Variants in PRR13 observed in about 807,000 individuals in gnomAD.
PRR13 encodes the protein proline rich 13.
Under a neutral mutation model 11.5 loss-of-function variants are expected in PRR13, and 7 were observed. The observed-to-expected ratio is 0.61, with a 90% CI of 0.34 to 1.14. PRR13 has a LOEUF of 1.14. PRR13 is among the 50% of genes most tolerant of loss of function. PRR13 has a pLI of 0.03. For synonymous variants in PRR13, 53 were observed against 67.8 expected, an observed-to-expected ratio of 0.78 and a Z score of 1.07; for missense variants, 155 against 194.4, an observed-to-expected ratio of 0.80 and a Z score of 1.21.
At chr12:53,442,573 T>C (rs1307434245) in intron 1 of PRR13, 122 bp from the exon 2 acceptor site, 8 of 808,758 alleles carry the variant, frequency 9.9e-6, no homozygotes, top group Non-Finnish European at 1.5e-5. Flanking sequence ...GTGGAAGTTG[T>C]GGTAGTTCTC....
intron 2 of PRR13, 35 bp downstream of exon 2, chr12:53,442,768 CT>C: frequency 6.3e-7 from 1 of 1,591,078 alleles, no homozygotes; most frequent in Non-Finnish European, 8.6e-7. Flanking sequence ...ACCCCTAACC[CT>C]TTTTCTGATG....
chr12:53,442,728 A>C lies in PRR13; in HGVS notation c.14A>C (p.Asn5Thr). 6.2e-7 allele frequency: 1 copy of C among 1,611,046 alleles called. No homozygotes were observed. Among genetic ancestry groups the C allele is most frequent in the Non-Finnish European group, 8.5e-7 (1 of 1,177,288 alleles). The change falls in exon 2 of 4, where the codon AAT becomes ACT. Residue 5 changes from asparagine to threonine, a missense_variant. Asn to Thr is a moderately conservative substitution (Grantham distance 65, BLOSUM62 0). Coordinates refer to ENST00000429243, the MANE Select transcript of PRR13 (RefSeq NM_018457.4). MWNP[N>T]AGQPGPNPYP... ...ACACACCTAAACATGTGGAATCCCA[A>C]TGCCGGTAGGTGTTTGGGGGTTCTG...
Position 53,442,669 on chromosome 12 carries a change from T to A in PRR13, c.-20-26T>A, listed in dbSNP as rs1253587186. On this transcript the variant is annotated intron_variant, in intron 1 of 3. Coordinates refer to ENST00000429243, the MANE Select transcript of PRR13 (RefSeq NM_018457.4). ...ACTTCCTACCTCTAGACCGTCATCT[T>A]TTTTGCCTCATTTCTTTCTCCTCAG... The A allele has an allele frequency of 1.9e-6, 3 of 1,580,634 alleles. No individual in the cohort carries two copies. The African/African-American group carries it at 4.0e-5, about 21-fold the overall frequency.
At chr12:53,443,221 C>T in intron 2 of PRR13, 170 bp from the exon 3 acceptor site, 1 of 638,450 alleles carries the variant, frequency 1.6e-6, no homozygotes, top group Non-Finnish European at 2.5e-6. Context: ...CTTCCAGGGA[C>T]ATTCCCCCTT....
At chr12:53,442,493 T>G (rs1395307718) in intron 1 of PRR13, 1 of 481,202 alleles carries the variant, frequency 2.1e-6, no homozygotes, top group Non-Finnish European at 3.8e-6. Flanking sequence ...TCCACCCGCC[T>G]CGGCCTCCCA....
chr12:53,446,289 C>T lies in PRR13; in HGVS notation c.*230C>T, dbSNP rs557613481. ...TAGATCATATAGCTAATGAATTAGG[C>T]AGGGGAGCTATTTTTTGAAGATGAT... On this transcript the variant is annotated 3_prime_UTR_variant, in exon 4 of 4. Transcript: ENST00000429243. 3 of 530,958 alleles carry T rather than the reference C, an allele frequency of 5.7e-6. No individual in the cohort carries two copies. The highest frequency in any genetic ancestry group is 3.9e-5 in the African/African-American group (2 of 51,406). The allele number at this position is 530,958 out of a possible 1,614,324, so 32.9% of individuals were successfully genotyped here.
At chr12:53,443,255 C>T (rs1035236564) in intron 2 of PRR13, 136 bp from the exon 3 acceptor site, 77 of 981,060 alleles carry the variant, frequency 7.8e-5, no homozygotes, top group Non-Finnish European at 9.9e-5. Flanking sequence ...AAGTTTGTCT[C>T]CCCTACCCTC....
rs1416294603 is a variant in PRR13 at position 53,443,445 on chromosome 12, A to G, written c.74A>G (p.Asn25Ser). The G allele has an allele frequency of 2.4e-5, 35 of 1,441,798 alleles. No individual in the cohort carries two copies. Among genetic ancestry groups the G allele is most frequent in the East Asian group, 1.3e-4 (5 of 39,840 alleles). 89.3% of individuals were successfully genotyped at this position (1,441,798 alleles called of 1,614,324 possible). A position where few individuals can be genotyped will look rare whatever the true frequency, so the allele number is the denominator to read the frequency against. The change falls in exon 3 of 4, where the codon AAT becomes AGT. Residue 25 changes from asparagine (N) to serine (S), a missense_variant. Coordinates refer to ENST00000429243, the MANE Select transcript of PRR13 (RefSeq NM_018457.4). ...AATATTGGGTGCCCTGGAGGTTCCA[A>G]TCCTGCCCACCCACCACCTATTAAT... ...PPNIGCPGGSNPAHPPPINPP... is the reference protein window; with the variant it reads ...PPNIGCPGGSSPAHPPPINPP...
intron 2 of PRR13, chr12:53,442,976 C>T: frequency 2.4e-6 from 1 of 425,446 alleles, no homozygotes; most frequent in Non-Finnish European, 4.1e-6. Context: ...CCTGTTTCAG[C>T]CTCTGGAGTA....
chr12:53,443,463 C>G lies in PRR13; in HGVS notation c.92C>G (p.Pro31Arg). Residue 31 changes from proline (P) to arginine (R), a missense_variant, in exon 3 of 4, where the codon CCT (proline) becomes CGT (arginine). Physicochemically the swap from Pro to Arg is moderately radical, Grantham distance 103. Coordinates refer to ENST00000429243, the MANE Select transcript of PRR13 (RefSeq NM_018457.4). Reference protein sequence around the residue: ...PGGSNPAHPPPINPPFPPGPC... With the variant: ...PGGSNPAHPPRINPPFPPGPC... Reference sequence around the variant, plus strand: ...GGTTCCAATCCTGCCCACCCACCACCTATTAATCCACCCTTTCCCCCAGGC... The same window carrying G: ...GGTTCCAATCCTGCCCACCCACCACGTATTAATCCACCCTTTCCCCCAGGC... The G allele has an allele frequency of 3.5e-6, 5 of 1,448,192 alleles. No individual in the cohort carries two copies. Among genetic ancestry groups the G allele is most frequent in the Non-Finnish European group, 4.6e-6 (5 of 1,096,752 alleles). The allele number at this position is 1,448,192 out of a possible 1,614,324, so 89.7% of individuals were successfully genotyped here.
In PRR13 at chr12:53,442,560, T is replaced by C. The variant is rs939006289; in HGVS notation, c.-20-135T>C. On this transcript the variant is annotated intron_variant, in intron 1 of 3. Transcript: ENST00000429243. ...GCCCAGCCAGAAAAGAGACATTTCT[T>C]ATGTGGAAGTTGTGGTAGTTCTCCA... The C allele has an allele frequency of 1.8e-4, 136 of 738,760 alleles. 1 individual carries two copies. Among genetic ancestry groups the C allele is most frequent in the Admixed American group, 2.6e-4 (11 of 42,488 alleles). The allele number at this position is 738,760 out of a possible 1,614,324, so 45.8% of individuals were successfully genotyped here. A position where few individuals can be genotyped will look rare whatever the true frequency, so the allele number is the denominator to read the frequency against.
In PRR13 at chr12:53,442,686, TCTC is replaced by T. The variant is rs757312957; in HGVS notation, c.-20-5_-20-3del. On this transcript the variant is annotated splice_polypyrimidine_tract_variant and splice_region_variant and intron_variant, in intron 1 of 3. Transcript: ENST00000429243. ...CGTCATCTTTTTTGCCTCATTTCTT[TCTC>T]CTCAGGCTGGAGGACACACCTAAAC... 2.5e-5 allele frequency: 40 copies of T among 1,604,620 alleles called. 1 individual carries two copies. Among genetic ancestry groups the T allele is most frequent in the African/African-American group, 2.3e-4 (17 of 74,646 alleles).
chr12:53,446,092 C>T lies in PRR13; in HGVS notation c.*33C>T, dbSNP rs755842539. The T allele has an allele frequency of 1.2e-6, 2 of 1,611,720 alleles. No individual in the cohort carries two copies. Among genetic ancestry groups the T allele is most frequent in the African/African-American group, 1.3e-5 (1 of 74,960 alleles). On this transcript the variant is annotated 3_prime_UTR_variant, in exon 4 of 4. Coordinates refer to ENST00000429243, the MANE Select transcript of PRR13 (RefSeq NM_018457.4). ...CCCTGGACCCTTCCCTCAAGTCTCA[C>T]CAGTTCTGCTCTCCCATCAAGCTTC...
intron 1 of PRR13, 126 bp downstream of exon 1, chr12:53,441,918 A>C: frequency 2.9e-6 from 2 of 678,808 alleles, no homozygotes; most frequent in Non-Finnish European, 5.3e-6. Context: ...GGCTGTGTCC[A>C]CATATTTAAG....
Position 53,441,778 on chromosome 12 carries a change from G to A in PRR13, c.-35G>A, listed in dbSNP as rs1168814923. ...TGCGAAGGAGAACGCAGCAAGCCCA[G>A]GCGGCGGTGGAAAGGTGATGGGGTA... On this transcript the variant is annotated 5_prime_UTR_variant, in exon 1 of 4. Transcript: ENST00000429243. The A allele has an allele frequency of 2.8e-6, 2 of 702,326 alleles. No individual in the cohort carries two copies. Among genetic ancestry groups the A allele is most frequent in the East Asian group, 2.7e-5 (1 of 37,300 alleles). The allele number at this position is 702,326 out of a possible 1,614,324, so 43.5% of individuals were successfully genotyped here.
chr12:53,444,140 A>ACAAAGCAAG, intron 3 of PRR13: 1 of 380,570 alleles, frequency 2.6e-6, no homozygotes, highest in Non-Finnish European at 4.7e-6. Flanking sequence ...CATTCCTTTG[A>ACAAAGCAAG]CAAAGCAAGG....
At chr12:53,441,815 T>C (rs1297178503) in intron 1 of PRR13, 23 bp downstream of exon 1, 4 of 702,198 alleles carry the variant, frequency 5.7e-6, no homozygotes, top group Non-Finnish European at 1.0e-5. Context: ...CTGGATTCCA[T>C]AGGTTTTTCC....
In PRR13 at chr12:53,443,394, A is replaced by G; in HGVS notation, c.23A>G (p.Gln8Arg). The G allele has an allele frequency of 7.1e-7, 1 of 1,400,054 alleles. No individual in the cohort carries two copies. 86.7% of individuals were successfully genotyped at this position (1,400,054 alleles called of 1,614,324 possible). MWNPNAG[Q>R]PGPNPYPPNI... ...TATTCTCTGCTTCTTCCACCAGGGC[A>G]GCCAGGGCCAAATCCATATCCCCCC... is the stretch of plus-strand genomic sequence containing the variant. The change falls in exon 3 of 4, where the codon CAG (glutamine) becomes CGG (arginine). Residue 8 changes from glutamine (Q) to arginine (R), a missense_variant. Gln to Arg is a conservative substitution (Grantham distance 43). Transcript: ENST00000429243.
Position 53,442,629 on chromosome 12 carries a change from T to C in PRR13, c.-20-66T>C, listed in dbSNP as rs1253291780. The C allele has an allele frequency of 9.2e-6, 13 of 1,408,796 alleles. No homozygotes were observed. The East Asian group carries it at 1.8e-4, about 20-fold the overall frequency. 87.3% of individuals were successfully genotyped at this position (1,408,796 alleles called of 1,614,324 possible). ...GGGGTGGAAGACGTTAGGGCTGGGCTCCGGTGCTAAGTCCACTTCCTACCT... is the reference window on the plus strand; with the variant it reads ...GGGGTGGAAGACGTTAGGGCTGGGCCCCGGTGCTAAGTCCACTTCCTACCT... On this transcript the variant is annotated intron_variant, in intron 1 of 3. Transcript: ENST00000429243.
Sources: allele counts gnomAD v4.1 joint callset, GRCh38; gene constraint gnomAD v4.1.1; transcripts MANE v1.5; gene names NCBI Gene and HGNC (gene_info 2026-07-23, HGNC 2026-07-21).